ST6GALNAC5: variants seen among roughly 807,000 people sequenced by gnomAD.
ST6GALNAC5 encodes the protein ST6 N-acetylgalactosaminide alpha-2,6-sialyltransferase 5, also known as alpha-N-acetylgalactosaminide alpha-2,6-sialyltransferase 5.
A neutral mutation model predicts 33.6 loss-of-function variants in ST6GALNAC5; 27 were observed. That is an observed-to-expected ratio of 0.80 (90% CI 0.59 to 1.11). The LOEUF is 1.11. Among genes scored for constraint, ST6GALNAC5 ranks in the 50% least tolerant of loss-of-function variants. The pLI, the probability that ST6GALNAC5 is intolerant of heterozygous loss-of-function variation, is 0.00. For synonymous variants in ST6GALNAC5, 194 were observed against 171.2 expected, an observed-to-expected ratio of 1.13 and a Z score of -1.04; for missense variants, 428 against 454.0, an observed-to-expected ratio of 0.94 and a Z score of 0.52.
chr1:76,999,530 T>A (rs1009250694), intron 2 of ST6GALNAC5, among the ~76,000 whole-genome samples: 16 of 151,808 alleles, frequency 1.1e-4, no homozygotes, highest in African/African-American at 3.9e-4. Flanking sequence ...AGGGTACATG[T>A]GCACATTGTG....
chr1:76,940,607 CA>C (rs1647310837), intron 2 of ST6GALNAC5, among the ~76,000 whole-genome samples: 1 of 152,030 alleles, frequency 6.6e-6, no homozygotes, highest in African/African-American at 2.4e-5. Flanking sequence ...AGCAACTTGC[CA>C]GGCCACACAG....
intron 2 of ST6GALNAC5, among the ~76,000 whole-genome samples, chr1:76,932,912 A>G (rs1647159086): frequency 6.6e-6 from 1 of 152,104 alleles, no homozygotes; most frequent in Non-Finnish European, 1.5e-5. Context: ...TTTCTTCACT[A>G]GACAGTGTAT....
At chr1:77,043,629 T>C (rs1159652923) in intron 2 of ST6GALNAC5, among the ~76,000 whole-genome samples, 1 of 152,238 alleles carries the variant, frequency 6.6e-6, no homozygotes. Flanking sequence ...ATATGATGCT[T>C]AGATGATGTG....
chr1:76,981,819 C>G (rs1649264870), intron 2 of ST6GALNAC5, among the ~76,000 whole-genome samples: 1 of 152,180 alleles, frequency 6.6e-6, no homozygotes, highest in African/African-American at 2.4e-5. Flanking sequence ...ATTTGCTGTT[C>G]TGCAATATTT....
intron 2 of ST6GALNAC5, among the ~76,000 whole-genome samples, chr1:76,940,196 G>C (rs1337036290): frequency 1.3e-5 from 2 of 152,036 alleles, no homozygotes; most frequent in East Asian, 3.9e-4. Flanking sequence ...GATATGGCCG[G>C]GGCGAGCAGA....
intron 2 of ST6GALNAC5, among the ~76,000 whole-genome samples, chr1:76,987,704 A>G (rs1446493302): frequency 6.6e-6 from 1 of 152,176 alleles, no homozygotes; most frequent in Admixed American, 6.6e-5. Context: ...CCATAAATTG[A>G]TGAATAGATT....
chr1:76,960,096 G>C (rs1648167805), intron 2 of ST6GALNAC5, among the ~76,000 whole-genome samples: 1 of 152,086 alleles, frequency 6.6e-6, no homozygotes, highest in Non-Finnish European at 1.5e-5. Flanking sequence ...ATATTCACCA[G>C]TAGCTATCAG....
At chr1:76,869,447 G>A (rs1653446278) in intron 2 of ST6GALNAC5, among the ~76,000 whole-genome samples, 1 of 152,180 alleles carries the variant, frequency 6.6e-6, no homozygotes, top group African/African-American at 2.4e-5. Flanking sequence ...AGTGTGTGAA[G>A]CCTCTGGGAG....
intron 2 of ST6GALNAC5, among the ~76,000 whole-genome samples, chr1:76,915,165 A>G (rs1415335204): frequency 6.6e-6 from 1 of 151,678 alleles, no homozygotes; most frequent in Non-Finnish European, 1.5e-5. Context: ...ACCAGTTAGA[A>G]TGGCAATCAT....
At chr1:76,984,492 A>T (rs1102447) in intron 2 of ST6GALNAC5, among the ~76,000 whole-genome samples, 3,592 of 152,322 alleles carry the variant, frequency 0.024, 146 homozygotes, top group African/African-American at 0.083. Context: ...GAATAGACCA[A>T]TAACAGGCTC....
intron 2 of ST6GALNAC5, among the ~76,000 whole-genome samples, chr1:77,017,465 G>A (rs944976727): frequency 7.2e-5 from 11 of 152,160 alleles, no homozygotes; most frequent in Non-Finnish European, 1.6e-4. Flanking sequence ...TCAAGGGCAC[G>A]GGAGCATGGC....
chr1:76,886,678 T>C (rs1653903578), intron 2 of ST6GALNAC5, among the ~76,000 whole-genome samples: 1 of 152,196 alleles, frequency 6.6e-6, no homozygotes, highest in Non-Finnish European at 1.5e-5. Context: ...AAACGGAGAC[T>C]CTGTAATATT....
chr1:77,019,645 G>A (rs1003379483), intron 2 of ST6GALNAC5, among the ~76,000 whole-genome samples: 1 of 152,206 alleles, frequency 6.6e-6, no homozygotes, highest in Non-Finnish European at 1.5e-5. Context: ...GGAATAGTCA[G>A]GCCTGAGTCC....
intron 2 of ST6GALNAC5, among the ~76,000 whole-genome samples, chr1:76,961,251 A>G (rs1168807029): frequency 2.6e-5 from 4 of 152,138 alleles, no homozygotes; most frequent in Non-Finnish European, 4.4e-5. Context: ...CCCATAAAGC[A>G]CTTTTGGAGA....
At chr1:76,996,967 A>G (rs972145211) in intron 2 of ST6GALNAC5, among the ~76,000 whole-genome samples, 2 of 152,204 alleles carry the variant, frequency 1.3e-5, no homozygotes, top group Non-Finnish European at 2.9e-5. Context: ...TATTTTAACA[A>G]GAAGAGTTCT....
At chr1:76,899,648 C>T (rs915821945) in intron 2 of ST6GALNAC5, among the ~76,000 whole-genome samples, 1 of 152,142 alleles carries the variant, frequency 6.6e-6, no homozygotes, top group Non-Finnish European at 1.5e-5. Context: ...TTCCCTAGTC[C>T]GTGACTGGTG....
intron 2 of ST6GALNAC5, among the ~76,000 whole-genome samples, chr1:76,997,800 A>T (rs1025933447): frequency 7.9e-5 from 12 of 152,134 alleles, no homozygotes; most frequent in African/African-American, 2.9e-4. Context: ...GGAGTTCAAG[A>T]CCAACCTGAG....
At chr1:77,005,222 G>C (rs1010632147) in intron 2 of ST6GALNAC5, among the ~76,000 whole-genome samples, 75 of 152,358 alleles carry the variant, frequency 4.9e-4, no homozygotes, top group African/African-American at 1.8e-3. Context: ...GGTCCGAAAA[G>C]CGCAATATTC....
intron 2 of ST6GALNAC5, among the ~76,000 whole-genome samples, chr1:77,020,978 C>T (rs1361129290): frequency 1.3e-5 from 2 of 152,166 alleles, no homozygotes; most frequent in Admixed American, 1.3e-4. Flanking sequence ...TATCCCAAGA[C>T]AGAGAGCCAG....
Sources: gnomAD v4.1 joint callset for allele counts (sites outside exome capture counted in the v4.1 genomes callset) on GRCh38, gnomAD v4.1.1 for gene constraint, MANE v1.5 for transcripts, NCBI Gene and HGNC (gene_info 2026-07-23, HGNC 2026-07-21) for gene names.